The following EPM2A variants were observed in gnomAD, a reference collection of about 807,000 sequenced individuals.
EPM2A encodes the protein laforin.
EPM2A carries 21 observed loss-of-function variants against 26.5 expected under a neutral mutation model. That is an observed-to-expected ratio of 0.79 (90% CI 0.56 to 1.14). The LOEUF is 1.14. Ranked by LOEUF, EPM2A falls within the 50% of genes most tolerant of loss-of-function variation. EPM2A has a pLI of 0.00. For synonymous variants in EPM2A, 217 were observed against 177.6 expected (o/e 1.22, Z -1.76); for missense variants, 458 against 440.8 (o/e 1.04, Z -0.35).
chr6:145,489,458 TC>T (rs1230423915), intron 4 of EPM2A, among the ~76,000 whole-genome samples: 1 of 152,162 alleles, frequency 6.6e-6, no homozygotes, highest in Non-Finnish European at 1.5e-5. Flanking sequence ...AGATCCCTCC[TC>T]TGGCATTGAG....
At chr6:145,450,011 A>T (rs1779175020) in intron 4 of EPM2A, among the ~76,000 whole-genome samples, 1 of 152,010 alleles carries the variant, frequency 6.6e-6, no homozygotes, top group African/African-American at 2.4e-5. Flanking sequence ...CTATTATAAT[A>T]ATTAAAATAA....
intron 2 of EPM2A, among the ~76,000 whole-genome samples, chr6:145,587,971 TCAGA>T (rs1781220153): frequency 6.6e-6 from 1 of 152,188 alleles, no homozygotes; most frequent in Admixed American, 6.5e-5. Flanking sequence ...CATGTACGAA[TCAGA>T]CAGTAGAGTG....
At chr6:145,532,748 C>T (rs1038742522) in intron 2 of EPM2A, among the ~76,000 whole-genome samples, 7 of 152,120 alleles carry the variant, frequency 4.6e-5, no homozygotes, top group African/African-American at 1.4e-4. Flanking sequence ...CGTACTCCAC[C>T]TCCCTGTATT....
chr6:145,618,266 T>C (rs1449505797), intron 2 of EPM2A, among the ~76,000 whole-genome samples: 2 of 152,130 alleles, frequency 1.3e-5, no homozygotes. Context: ...AAAAAATATG[T>C]GCAAAACCCC....
At chr6:145,442,463 A>G (rs994246799) in intron 4 of EPM2A, among the ~76,000 whole-genome samples, 1 of 152,178 alleles carries the variant, frequency 6.6e-6, no homozygotes, top group Non-Finnish European at 1.5e-5. Flanking sequence ...GTGCCAGACA[A>G]GACAAGAGAG....
At chr6:145,639,304 T>C (rs1309269141) in intron 2 of EPM2A, 1 of 152,196 alleles carries the variant, frequency 6.6e-6, no homozygotes, top group Non-Finnish European at 1.5e-5. Flanking sequence ...AACAGGGTAT[T>C]GACACTCAGT....
chr6:145,670,842 C>G (rs1779587147), intron 2 of EPM2A: 1 of 901,010 alleles, frequency 1.1e-6, no homozygotes, highest in African/African-American at 1.8e-5. Context: ...CAGCATTATT[C>G]AGATAGAAAA....
chr6:145,549,597 G>A (rs531183519), intron 2 of EPM2A, among the ~76,000 whole-genome samples: 37 of 152,142 alleles, frequency 2.4e-4, no homozygotes, highest in Admixed American at 5.2e-4. Flanking sequence ...CACTATAAAC[G>A]CTGATATTAT....
At chr6:145,726,936 TATAAA>T (rs1184353607) in intron 1 of EPM2A, among the ~76,000 whole-genome samples, 1 of 152,170 alleles carries the variant, frequency 6.6e-6, no homozygotes, top group Non-Finnish European at 1.5e-5. Flanking sequence ...GTCATACTAA[TATAAA>T]ATATTAACAA....
intron 1 of EPM2A, among the ~76,000 whole-genome samples, chr6:145,732,297 T>C (rs1206912910): frequency 1.3e-5 from 2 of 151,240 alleles, no homozygotes; most frequent in African/African-American, 4.9e-5. Context: ...TATCCTCTCA[T>C]ATAGGGGTAA....
chr6:145,661,362 A>G (rs1390921153), intron 2 of EPM2A, among the ~76,000 whole-genome samples: 1 of 152,240 alleles, frequency 6.6e-6, no homozygotes, highest in Non-Finnish European at 1.5e-5. Flanking sequence ...CATAGTGACC[A>G]GAACAAAATC....
intron 4 of EPM2A, among the ~76,000 whole-genome samples, chr6:145,410,580 T>C (rs767977875): frequency 6.6e-6 from 1 of 152,226 alleles, no homozygotes; most frequent in Non-Finnish European, 1.5e-5. Context: ...TAGGTATGTA[T>C]GTTGGAGACA....
intron 2 of EPM2A, among the ~76,000 whole-genome samples, chr6:145,647,741 G>T (rs969227261): frequency 1.3e-5 from 2 of 152,098 alleles, no homozygotes; most frequent in Non-Finnish European, 2.9e-5. Flanking sequence ...AAGGGGAAGA[G>T]GAAGGGAAGA....
At chr6:145,394,213 G>A (rs922937721) in intron 4 of EPM2A, among the ~76,000 whole-genome samples, 2 of 152,088 alleles carry the variant, frequency 1.3e-5, no homozygotes, top group Admixed American at 6.6e-5. Flanking sequence ...AGAGTTCCTT[G>A]AAAGGCATCA....
chr6:145,612,256 C>T (rs1209911184), intron 2 of EPM2A, among the ~76,000 whole-genome samples: 1 of 151,968 alleles, frequency 6.6e-6, no homozygotes, highest in Non-Finnish European at 1.5e-5. Flanking sequence ...TTAGATTTTG[C>T]ATTTTATAAT....
intron 2 of EPM2A, among the ~76,000 whole-genome samples, chr6:145,657,971 G>A (rs1441708815): frequency 6.6e-6 from 1 of 152,130 alleles, no homozygotes; most frequent in Non-Finnish European, 1.5e-5. Context: ...AAGACTGTTT[G>A]CTTGCTCAAG....
intron 2 of EPM2A, among the ~76,000 whole-genome samples, chr6:145,511,580 C>T (rs1031251281): frequency 1.3e-5 from 2 of 152,130 alleles, no homozygotes; most frequent in Admixed American, 6.5e-5. Context: ...CCTTAACAAA[C>T]TAGGCATAGA....
At chr6:145,551,091 G>A (rs1363653775) in intron 2 of EPM2A, among the ~76,000 whole-genome samples, 1 of 151,998 alleles carries the variant, frequency 6.6e-6, no homozygotes, top group Non-Finnish European at 1.5e-5. Context: ...TCCCACAGAA[G>A]TCTGAGTAAA....
chr6:145,600,142 G>GGCT (rs1456204255), intron 2 of EPM2A, among the ~76,000 whole-genome samples: 1 of 152,092 alleles, frequency 6.6e-6, no homozygotes, highest in East Asian at 1.9e-4. Flanking sequence ...CATATCATCT[G>GGCT]AAAATAGTAA....
Sources: allele counts gnomAD v4.1 joint callset (sites outside exome capture counted in the v4.1 genomes callset), GRCh38; gene constraint gnomAD v4.1.1; transcripts MANE v1.5; gene names NCBI Gene and HGNC (gene_info 2026-07-23, HGNC 2026-07-21).